The following PDE4D variants were observed in gnomAD, a reference collection of about 807,000 sequenced individuals.
PDE4D encodes 3',5'-cyclic-AMP phosphodiesterase 4D.
Under a neutral mutation model 87.4 loss-of-function variants are expected in PDE4D, and 24 were observed. That is an observed-to-expected ratio of 0.27 (90% CI 0.20 to 0.39). PDE4D has a LOEUF of 0.39. PDE4D is among the 10% of genes least tolerant of loss of function. PDE4D has a pLI of 1.00. For synonymous variants in PDE4D, 384 were observed against 383.2 expected, an observed-to-expected ratio of 1.00 and a Z score of -0.02; for missense variants, 714 against 1,041.0, an observed-to-expected ratio of 0.69 and a Z score of 4.32.
chr5:59,335,757 T>C (rs1471609180), intron 1 of PDE4D, among the ~76,000 whole-genome samples: 1 of 152,222 alleles, frequency 6.6e-6, no homozygotes, highest in Admixed American at 6.5e-5. Context: ...AGACTGCCTT[T>C]CATGTCCCTA....
At chr5:59,646,055 T>C (rs1742385226) in intron 1 of PDE4D, among the ~76,000 whole-genome samples, 1 of 152,226 alleles carries the variant, frequency 6.6e-6, no homozygotes, top group South Asian at 2.1e-4. Context: ...TATCAAGCAA[T>C]TAATTTTCTG....
chr5:59,443,281 C>A (rs1025908938), intron 1 of PDE4D, among the ~76,000 whole-genome samples: 3 of 152,032 alleles, frequency 2.0e-5, no homozygotes, highest in Non-Finnish European at 4.4e-5. Flanking sequence ...AAATTGATTG[C>A]GTAGTTTCTA....
At chr5:59,077,475 C>CTTTTTTT (rs33910828) in intron 5 of PDE4D, among the ~76,000 whole-genome samples, 1 of 130,976 alleles carries the variant, frequency 7.6e-6, no homozygotes. Context: ...TTTTTTTCTT[C>CTTTTTTT]TTTTTTTTTT....
chr5:59,493,108 G>C (rs80354972), intron 1 of PDE4D, among the ~76,000 whole-genome samples: 4,798 of 152,036 alleles, frequency 0.032, 254 homozygotes, highest in African/African-American at 0.11. Flanking sequence ...ACTTTTAAAG[G>C]CTTAAAAAAA....
intron 2 of PDE4D, among the ~76,000 whole-genome samples, chr5:60,106,068 G>A (rs1286021125): frequency 3.9e-5 from 6 of 151,962 alleles, no homozygotes; most frequent in Non-Finnish European, 8.8e-5. Context: ...CTGGCAAATT[G>A]GATAAAGGGT....
At chr5:59,081,377 T>G (rs1196378451) in intron 5 of PDE4D, among the ~76,000 whole-genome samples, 5 of 152,074 alleles carry the variant, frequency 3.3e-5, no homozygotes, top group Admixed American at 2.0e-4. Context: ...TCAGTTATGC[T>G]TTCTATAATT....
chr5:59,483,060 AAG>A (rs1294816121), intron 1 of PDE4D, among the ~76,000 whole-genome samples: 2 of 152,140 alleles, frequency 1.3e-5, no homozygotes, highest in Non-Finnish European at 2.9e-5. Context: ...TTCCACAAGT[AAG>A]AGAGGATTCC....
intron 1 of PDE4D, among the ~76,000 whole-genome samples, chr5:59,420,154 G>A (rs1345547141): frequency 1.3e-5 from 2 of 152,170 alleles, no homozygotes. Context: ...CTCTTTTACA[G>A]TATCAGGTTC....
intron 6 of PDE4D, among the ~76,000 whole-genome samples, chr5:59,033,588 T>C (rs1757975286): frequency 6.6e-6 from 1 of 152,210 alleles, no homozygotes; most frequent in Non-Finnish European, 1.5e-5. Context: ...ATATCTTAAG[T>C]GATAGCTACA....
intron 6 of PDE4D, among the ~76,000 whole-genome samples, chr5:59,024,335 G>A (rs1009127760): frequency 6.6e-6 from 1 of 151,630 alleles, no homozygotes; most frequent in African/African-American, 2.4e-5. Context: ...GAGTAGCTGA[G>A]ATTACAGACA....
At chr5:60,193,137 T>C (rs1236096371) in intron 1 of PDE4D, among the ~76,000 whole-genome samples, 1 of 152,066 alleles carries the variant, frequency 6.6e-6, no homozygotes, top group African/African-American at 2.4e-5. Context: ...GATCTAGTAA[T>C]GGTGTCTATA....
intron 5 of PDE4D, among the ~76,000 whole-genome samples, chr5:59,156,331 A>ATATATATATATATATG (rs1384479557): frequency 0.011 from 1,303 of 122,590 alleles, 14 homozygotes; most frequent in Non-Finnish European, 0.016. Flanking sequence ...ATATATATAT[A>ATATATATATATATATG]TGTGTGTGTG....
chr5:59,486,344 T>C (rs1805147404), intron 1 of PDE4D, among the ~76,000 whole-genome samples: 1 of 152,166 alleles, frequency 6.6e-6, no homozygotes, highest in Admixed American at 6.5e-5. Context: ...CTTCCCATGG[T>C]TGCTCTCCAG....
At chr5:60,202,115 T>A (rs1408795721) in intron 1 of PDE4D, among the ~76,000 whole-genome samples, 1 of 152,230 alleles carries the variant, frequency 6.6e-6, no homozygotes, top group East Asian at 1.9e-4. Context: ...GAGCACTATA[T>A]ATGCCAGATG....
At chr5:59,620,209 T>G (rs1830183863) in intron 1 of PDE4D, among the ~76,000 whole-genome samples, 1 of 152,144 alleles carries the variant, frequency 6.6e-6, no homozygotes, top group African/African-American at 2.4e-5. Flanking sequence ...GTATTGAGGC[T>G]CCATCCAATT....
chr5:59,591,482 A>G (rs1430866186), intron 1 of PDE4D, among the ~76,000 whole-genome samples: 1 of 152,186 alleles, frequency 6.6e-6, no homozygotes, highest in African/African-American at 2.4e-5. Context: ...TTTAATGTCA[A>G]ATGTTAAGGT....
intron 1 of PDE4D, among the ~76,000 whole-genome samples, chr5:59,350,786 G>T (rs1780409520): frequency 6.6e-6 from 1 of 152,160 alleles, no homozygotes; most frequent in Non-Finnish European, 1.5e-5. Flanking sequence ...TTTTACAAAT[G>T]AGGAAACTGA....
At chr5:59,371,997 T>A (rs1317909674) in intron 1 of PDE4D, among the ~76,000 whole-genome samples, 3 of 152,230 alleles carry the variant, frequency 2.0e-5, no homozygotes, top group Non-Finnish European at 4.4e-5. Flanking sequence ...TAAATGTATG[T>A]TAAATGAATC....
At chr5:59,626,405 C>G (rs1420207979) in intron 1 of PDE4D, among the ~76,000 whole-genome samples, 1 of 152,126 alleles carries the variant, frequency 6.6e-6, no homozygotes, top group African/African-American at 2.4e-5. Flanking sequence ...GCTGAAAGTA[C>G]TATTGAATTC....
Sources: allele counts gnomAD v4.1 joint callset (sites outside exome capture counted in the v4.1 genomes callset), GRCh38; gene constraint gnomAD v4.1.1; transcripts MANE v1.5; gene names NCBI Gene and HGNC (gene_info 2026-07-23, HGNC 2026-07-21).